The following PCDHGB3 variants were observed in gnomAD, a reference collection of about 807,000 sequenced individuals.
The protein encoded by PCDHGB3 is protocadherin gamma subfamily B, 3, also known as protocadherin gamma-B3.
A neutral mutation model predicts 59.2 loss-of-function variants in PCDHGB3; 40 were observed. The observed-to-expected ratio is 0.68, with a 90% CI of 0.52 to 0.88. The LOEUF (loss-of-function observed/expected upper bound fraction) is 0.88, where lower values mean the gene tolerates loss of function less well. PCDHGB3 is among the 40% of genes least tolerant of loss of function. The pLI is 0.00. For missense variants in PCDHGB3, 1,309 were observed against 1,187.9 expected (o/e 1.10, Z -1.50); for synonymous variants, 581 against 503.6 (o/e 1.15, Z -2.06).
intron 1 of PCDHGB3, among the ~76,000 whole-genome samples, chr5:141,463,725 C>A (rs1259646105): frequency 6.6e-6 from 1 of 152,026 alleles, no homozygotes. Flanking sequence ...GGATTACAGG[C>A]ATGAGCCACC....
chr5:141,414,843 G>T (rs2095794241), intron 1 of PCDHGB3: 1 of 1,614,100 alleles, frequency 6.2e-7, no homozygotes, highest in Admixed American at 1.7e-5. Context: ...GCCTGTTTGT[G>T]CTGGACCAGA....
intron 1 of PCDHGB3, chr5:141,390,345 A>G: frequency 6.3e-7 from 1 of 1,576,504 alleles, no homozygotes; most frequent in Non-Finnish European, 8.7e-7. Context: ...TTCACAAGAA[A>G]ATATACATAT....
chr5:141,498,523 G>A (rs555386753), intron 2 of PCDHGB3, among the ~76,000 whole-genome samples: 1 of 151,580 alleles, frequency 6.6e-6, no homozygotes, highest in Admixed American at 6.6e-5. Context: ...CTTGCCCACT[G>A]CCCTCCAGCC....
In PCDHGB3 at chr5:141,371,018, C is replaced by G; in HGVS notation, c.624C>G (p.His208Gln). 6.2e-7 allele frequency: 1 copy of G among 1,613,994 alleles called. No individual in the cohort carries two copies. Among genetic ancestry groups the G allele is most frequent in the Non-Finnish European group, 8.5e-7 (1 of 1,179,896 alleles). Residue 208 changes from histidine (H) to glutamine (Q), a missense_variant, in exon 1 of 4, where the codon CAC becomes CAG. Transcript: ENST00000576222. ...APLDREEQPH[H>Q]HLVLTAVDGG... is the part of the protein sequence containing the mutation. ...TGGACAGGGAAGAGCAGCCACATCA[C>G]CACCTGGTCCTCACAGCTGTGGATG...
chr5:141,404,261 C>G, intron 1 of PCDHGB3: 1 of 1,613,950 alleles, frequency 6.2e-7, no homozygotes. Flanking sequence ...CACAGAAATT[C>G]ACATCACCCT....
At chr5:141,414,320 A>C (rs372261571) in intron 1 of PCDHGB3, 7 of 1,613,840 alleles carry the variant, frequency 4.3e-6, no homozygotes, top group Non-Finnish European at 5.9e-6. Flanking sequence ...GACTCTGAGC[A>C]GAATGGACAG....
intron 1 of PCDHGB3, among the ~76,000 whole-genome samples, chr5:141,406,576 A>T (rs909778588): frequency 8.5e-5 from 13 of 152,222 alleles, no homozygotes; most frequent in Non-Finnish European, 8.8e-5. Context: ...CTAGTAAACC[A>T]ATTTTTTCCC....
At chr5:141,501,206 A>G (rs977574347) in intron 2 of PCDHGB3, among the ~76,000 whole-genome samples, 22 of 151,674 alleles carry the variant, frequency 1.5e-4, no homozygotes, top group African/African-American at 5.3e-4. Context: ...GGGTGTTGTC[A>G]GGGTGACTTC....
chr5:141,456,875 A>C (rs2098894225), intron 1 of PCDHGB3, among the ~76,000 whole-genome samples: 1 of 152,190 alleles, frequency 6.6e-6, no homozygotes, highest in African/African-American at 2.4e-5. Context: ...AGGCAGGAGA[A>C]TCGCTTGAAC....
intron 1 of PCDHGB3, chr5:141,427,307 T>C (rs745903769): frequency 4.4e-6 from 2 of 456,906 alleles, no homozygotes; most frequent in South Asian, 1.5e-5. Flanking sequence ...AGAATGACAA[T>C]GCCCCAGACG....
In PCDHGB3 at chr5:141,487,169, G is replaced by A. The variant is rs1259980100; in HGVS notation, c.2416-7638G>A. On this transcript the variant is annotated intron_variant, in intron 1 of 3. Coordinates refer to ENST00000576222, the MANE Select transcript of PCDHGB3 (RefSeq NM_018924.5). The surrounding 1 kb of genome is among the most constrained non-coding windows in gnomAD (Gnocchi z 5.0). ...CTCTGTTACTCTCTTAGTGTCCTTA[G>A]AGGAAGACACTCATCCAGTTGTCCC... 6.2e-7 allele frequency: 1 copy of A among 1,613,086 alleles called. No homozygotes were observed. Among genetic ancestry groups the A allele is most frequent in the South Asian group, 1.1e-5 (1 of 91,072 alleles).
intron 1 of PCDHGB3, chr5:141,492,079 G>A (rs1400390407): frequency 4.1e-6 from 2 of 486,168 alleles, no homozygotes; most frequent in African/African-American, 2.0e-5. Context: ...CGCCGGCTCC[G>A]GCACGCTTCG....
chr5:141,422,926 G>GC, intron 1 of PCDHGB3: 1 of 1,614,230 alleles, frequency 6.2e-7, no homozygotes, highest in African/African-American at 1.3e-5. Context: ...CCTGTACCCT[G>GC]CCCTCCCCAC....
intron 1 of PCDHGB3, chr5:141,413,690 A>G (rs553462819): frequency 6.2e-7 from 1 of 1,613,702 alleles, no homozygotes; most frequent in Non-Finnish European, 8.5e-7. Flanking sequence ...AACTCCCTGC[A>G]GAGCTATCAG....
intron 1 of PCDHGB3, chr5:141,393,519 A>G: frequency 6.2e-7 from 1 of 1,614,036 alleles, no homozygotes; most frequent in African/African-American, 1.3e-5. Flanking sequence ...GTTGGATACA[A>G]ATGACAATGC....
intron 1 of PCDHGB3, among the ~76,000 whole-genome samples, chr5:141,480,796 C>G (rs1007525949): frequency 2.6e-5 from 4 of 152,074 alleles, no homozygotes; most frequent in African/African-American, 7.2e-5. Flanking sequence ...ATTTGAAAAC[C>G]ACAGCTTTGG....
intron 3 of PCDHGB3, among the ~76,000 whole-genome samples, chr5:141,506,484 C>T (rs1489425559): frequency 6.6e-6 from 1 of 150,566 alleles, no homozygotes; most frequent in Non-Finnish European, 1.5e-5. Context: ...GCTTTAGAGG[C>T]AGGCCAATCT....
rs549455612 is a variant in PCDHGB3 at position 141,415,049 on chromosome 5, A to T, written c.2415+42240A>T. On this transcript the variant is annotated intron_variant, in intron 1 of 3. Transcript: ENST00000576222. Reference sequence around the variant, plus strand: ...GAGCCGGGACTCTTCGCGGTGGGGGAGCACACGGGCGAGGTGCGCACGGCG... The same window carrying T: ...GAGCCGGGACTCTTCGCGGTGGGGGTGCACACGGGCGAGGTGCGCACGGCG... 84 of 1,613,216 alleles carry T rather than the reference A, an allele frequency of 5.2e-5. 1 individual carries two copies. In the Admixed American group the frequency reaches 6.0e-4, roughly 12 times the overall value.
chr5:141,396,525 C>T (rs2093390810), intron 1 of PCDHGB3: 1 of 151,326 alleles, frequency 6.6e-6, no homozygotes, highest in Non-Finnish European at 1.5e-5. Context: ...GAGGCTGAGG[C>T]AGAAGAATCA....
Sources: gnomAD v4.1 joint callset for allele counts (sites outside exome capture counted in the v4.1 genomes callset) on GRCh38, gnomAD v4.1.1 for gene constraint, Gnocchi (gnomAD v3.1) non-coding constraint, MANE v1.5 for transcripts, NCBI Gene and HGNC (gene_info 2026-07-23, HGNC 2026-07-21) for gene names.